LCOR: variants seen among roughly 807,000 people sequenced by gnomAD.
LCOR encodes ligand-dependent corepressor.
Under a neutral mutation model 64.4 loss-of-function variants are expected in LCOR, and 14 were observed. That is an observed-to-expected ratio of 0.22 (90% CI 0.14 to 0.34). The LOEUF is 0.34. Ranked by LOEUF, LCOR falls within the 10% of genes least tolerant of loss-of-function variation. The pLI, the probability that LCOR is intolerant of heterozygous loss-of-function variation, is 1.00. For synonymous variants in LCOR, 643 were observed against 642.5 expected (o/e 1.00, Z -0.01); for missense variants, 1,686 against 1,765.3 (o/e 0.96, Z 0.80).
Position 96,920,672 on chromosome 10 carries a change from A to G in LCOR, c.-184+12925A>G, listed in dbSNP as rs1236821949. Among the ~76,000 whole-genome samples, 7 of 144,268 alleles carry G rather than the reference A, an allele frequency of 4.9e-5. No individual in the cohort carries two copies. The East Asian group carries it at 7.8e-4, about 16-fold the overall frequency. The allele number at this position is 144,268 out of a possible 152,430, so 94.6% of individuals were successfully genotyped here. Reference sequence around the variant, plus strand: ...TATATGTGTATATATGTATATATGTATATATTCATATATGTGTATATATGT... The same window carrying G: ...TATATGTGTATATATGTATATATGTGTATATTCATATATGTGTATATATGT... On this transcript the variant is annotated intron_variant, in intron 4 of 7. Transcript: ENST00000421806.
chr10:96,955,941 A>T (rs145617106), intron 7 of LCOR: 16,687 of 1,598,938 alleles, frequency 0.01, 98 homozygotes, highest in Non-Finnish European at 0.012. Context: ...TAGAGTGCCA[A>T]TTACTGTACA....
At chr10:96,953,705 G>C (rs1300448216) in intron 7 of LCOR, among the ~76,000 whole-genome samples, 2 of 152,170 alleles carry the variant, frequency 1.3e-5, no homozygotes, top group African/African-American at 4.8e-5. Flanking sequence ...AAGTTGCTGT[G>C]TTTATCCCTC....
Position 96,870,044 on chromosome 10 carries a change from TG to T in LCOR, c.-330+36566del, listed in dbSNP as rs1444721651. On this transcript the variant is annotated intron_variant, in intron 2 of 7. Transcript: ENST00000421806. The stretch of plus-strand genomic sequence containing the variant: ...AACTTCTAACCATAAGTTCTTTGTT[TG>T]TTGTTGTTGTTGTTGTTGTTGTTTT... Among the ~76,000 whole-genome samples the T allele has an allele frequency of 3.6e-3, 535 of 150,098 alleles. 4 individuals carry two copies. Among genetic ancestry groups the T allele is most frequent in the African/African-American group, 0.012 (495 of 40,794 alleles).
intron 2 of LCOR, among the ~76,000 whole-genome samples, chr10:96,885,631 C>G (rs1005892249): frequency 6.9e-6 from 1 of 145,900 alleles, no homozygotes; most frequent in Non-Finnish European, 1.5e-5. Flanking sequence ...CTCCTGGGCT[C>G]AAGTGATTCC....
In LCOR at chr10:96,984,878, A is replaced by G. The variant is rs1325520717; in HGVS notation, c.4418A>G (p.Lys1473Arg). The change falls in exon 8 of 8, where the codon AAA becomes AGA. Residue 1473 changes from lysine to arginine, a missense_variant. Transcript: ENST00000421806. Reference protein sequence around the residue: ...SAGKSCPPSRKEKENTNKRPS... With the variant: ...SAGKSCPPSRREKENTNKRPS... ...GGGAAGAGCTGCCCTCCCTCCAGGA[A>G]AGAAAAAGAGAATACAAACAAAAGG... 1.9e-6 allele frequency: 3 copies of G among 1,613,960 alleles called. No homozygotes were observed. The highest frequency in any genetic ancestry group is 2.7e-5 in the African/African-American group (2 of 74,990).
intron 7 of LCOR, among the ~76,000 whole-genome samples, chr10:96,971,874 G>T (rs540473611): frequency 3.2e-4 from 48 of 152,228 alleles, no homozygotes; most frequent in African/African-American, 1.1e-3. Flanking sequence ...TAAATAACAG[G>T]CCTTATAACT....
chr10:96,869,153 C>G (rs143227153), intron 2 of LCOR, among the ~76,000 whole-genome samples: 2 of 152,034 alleles, frequency 1.3e-5, no homozygotes, highest in African/African-American at 4.8e-5. Flanking sequence ...GTGATCCCCC[C>G]GCTTCGGCCT....
chr10:96,837,184 G>A (rs975651051), intron 2 of LCOR, among the ~76,000 whole-genome samples: 4 of 152,142 alleles, frequency 2.6e-5, no homozygotes, highest in African/African-American at 9.7e-5. Context: ...TAGAGACGGG[G>A]TTTCACCGTG....
Position 96,986,073 on chromosome 10 carries a change from G to A in LCOR, c.*939G>A, listed in dbSNP as rs1391705878. 6.0e-6 allele frequency: 1 copy of A among 166,946 alleles called. No individual in the cohort carries two copies. The highest frequency in any genetic ancestry group is 1.5e-5 in the Non-Finnish European group (1 of 68,102). The allele number at this position is 166,946 out of a possible 1,614,324, so 10.3% of individuals were successfully genotyped here. A position where few individuals can be genotyped will look rare whatever the true frequency, so the allele number is the denominator to read the frequency against. On this transcript the variant is annotated 3_prime_UTR_variant, in exon 8 of 8. Coordinates refer to ENST00000421806, the MANE Select transcript of LCOR (RefSeq NM_001346516.2). ...CAGAGTACTTCCATATTCAAAGAAAGCCGAACTATTATTTCCAGTAATAGA... is the reference window on the plus strand; with the variant it reads ...CAGAGTACTTCCATATTCAAAGAAAACCGAACTATTATTTCCAGTAATAGA...
chr10:96,958,508 A>G, intron 7 of LCOR: 1 of 782,264 alleles, frequency 1.3e-6, no homozygotes, highest in Non-Finnish European at 2.2e-6. Flanking sequence ...GTAGGCTGAG[A>G]GTTGTAAATA....
At chr10:96,943,144 A>G (rs898561164) in intron 4 of LCOR, among the ~76,000 whole-genome samples, 2 of 152,112 alleles carry the variant, frequency 1.3e-5, no homozygotes, top group African/African-American at 2.4e-5. Flanking sequence ...GTGTCACCCA[A>G]GCTGGAGTGC....
At chr10:96,881,109 C>G (rs543242594) in intron 2 of LCOR, among the ~76,000 whole-genome samples, 3 of 152,246 alleles carry the variant, frequency 2.0e-5, no homozygotes, top group Admixed American at 6.5e-5. Context: ...TGTATATGGT[C>G]TGCAACACCT....
chr10:96,853,600 G>A (rs1310758347), intron 2 of LCOR, among the ~76,000 whole-genome samples: 1 of 152,152 alleles, frequency 6.6e-6, no homozygotes, highest in African/African-American at 2.4e-5. Flanking sequence ...GGCTGGACTT[G>A]CTCCATGTCT....
intron 7 of LCOR, chr10:96,958,533 A>G: frequency 1.4e-6 from 1 of 713,612 alleles, no homozygotes; most frequent in Non-Finnish European, 2.5e-6. Flanking sequence ...AAATTTGAGT[A>G]CTTCTATTAT....
chr10:96,883,029 C>T (rs534678345), intron 2 of LCOR, among the ~76,000 whole-genome samples: 3 of 152,084 alleles, frequency 2.0e-5, no homozygotes, highest in South Asian at 2.1e-4. Flanking sequence ...AATTTGTGTT[C>T]AGGTTTTTCT....
intron 7 of LCOR, among the ~76,000 whole-genome samples, chr10:96,975,983 C>G (rs945794684): frequency 6.6e-6 from 1 of 152,154 alleles, no homozygotes; most frequent in Non-Finnish European, 1.5e-5. Flanking sequence ...CCATTGCACT[C>G]CAGCCTAGGC....
chr10:96,858,178 CTG>C (rs769809554), intron 2 of LCOR, among the ~76,000 whole-genome samples: 43 of 152,258 alleles, frequency 2.8e-4, no homozygotes, highest in Non-Finnish European at 5.7e-4. Flanking sequence ...ATAGTAAGGA[CTG>C]TAATTTTTCT....
At chr10:96,866,178 C>T (rs1157946027) in intron 2 of LCOR, among the ~76,000 whole-genome samples, 1 of 152,154 alleles carries the variant, frequency 6.6e-6, no homozygotes, top group African/African-American at 2.4e-5. Flanking sequence ...AAGCGTTGTA[C>T]AATTCAATTA....
chr10:96,912,245 T>C (rs1421705280), intron 4 of LCOR, among the ~76,000 whole-genome samples: 1 of 152,190 alleles, frequency 6.6e-6, no homozygotes, highest in Non-Finnish European at 1.5e-5. Flanking sequence ...TTAACCTTTC[T>C]TTAAGCTTCA....
Sources: gnomAD v4.1 joint callset for allele counts (sites outside exome capture counted in the v4.1 genomes callset) on GRCh38, gnomAD v4.1.1 for gene constraint, MANE v1.5 for transcripts, NCBI Gene and HGNC (gene_info 2026-07-23, HGNC 2026-07-21) for gene names.